MARCHF1: variants seen among roughly 807,000 people sequenced by gnomAD.
The protein encoded by MARCHF1 is E3 ubiquitin-protein ligase MARCHF1.
In MARCHF1, 40 loss-of-function variants were observed where a neutral mutation model predicts 54.2. That is an observed-to-expected ratio of 0.74 (90% CI 0.57 to 0.96). The LOEUF is 0.96. MARCHF1 is among the 40% of genes least tolerant of loss of function. The pLI is 0.00. For missense variants in MARCHF1, 586 were observed against 656.5 expected (o/e 0.89, Z 1.17); for synonymous variants, 236 against 236.3 (o/e 1.00, Z 0.01).
At chr4:163,751,945 G>A (rs1357239496) in intron 4 of MARCHF1, among the ~76,000 whole-genome samples, 4 of 150,334 alleles carry the variant, frequency 2.7e-5, no homozygotes, top group African/African-American at 4.8e-5. Flanking sequence ...ACTGGATAGC[G>A]ATAACTCTCT....
chr4:163,733,413 G>GA (rs201394705), intron 4 of MARCHF1, among the ~76,000 whole-genome samples: 178 of 133,548 alleles, frequency 1.3e-3, no homozygotes, highest in East Asian at 5.2e-3. Flanking sequence ...ATTTTTAAGG[G>GA]AAAAAAAAAA....
intron 1 of MARCHF1, among the ~76,000 whole-genome samples, chr4:164,257,048 A>T (rs373605610): frequency 1.2e-4 from 18 of 152,196 alleles, no homozygotes; most frequent in East Asian, 7.7e-4. Flanking sequence ...TTCCATAAGC[A>T]TGGAATTTAT....
intron 1 of MARCHF1, chr4:164,188,690 G>A (rs1335403512): frequency 4.4e-5 from 48 of 1,092,318 alleles, no homozygotes; most frequent in Middle Eastern, 2.0e-4. Context: ...CACGTGGAAC[G>A]ACCTGTCTAT....
chr4:164,160,752 A>C (rs1730210761), intron 1 of MARCHF1, among the ~76,000 whole-genome samples: 2 of 152,150 alleles, frequency 1.3e-5, no homozygotes, highest in African/African-American at 4.8e-5. Flanking sequence ...GTACACTTTC[A>C]TCACAACTCA....
chr4:164,296,800 C>T (rs762521640), intron 1 of MARCHF1, among the ~76,000 whole-genome samples: 1 of 152,148 alleles, frequency 6.6e-6, no homozygotes, highest in Non-Finnish European at 1.5e-5. Flanking sequence ...TTTCAGGTTA[C>T]TTATGTTCAT....
intron 1 of MARCHF1, among the ~76,000 whole-genome samples, chr4:164,370,106 G>T (rs1353965071): frequency 1.3e-5 from 2 of 152,148 alleles, no homozygotes; most frequent in African/African-American, 4.8e-5. Context: ...CAAATATATG[G>T]ACAGGAAAGC....
chr4:163,805,113 A>G (rs574481734), intron 4 of MARCHF1, among the ~76,000 whole-genome samples: 1 of 152,262 alleles, frequency 6.6e-6, no homozygotes, highest in Non-Finnish European at 1.5e-5. Context: ...ATGTTTTAAG[A>G]GTCAAGTGTT....
At chr4:164,305,997 A>C (rs1453456029) in intron 1 of MARCHF1, among the ~76,000 whole-genome samples, 2 of 152,168 alleles carry the variant, frequency 1.3e-5, no homozygotes, top group East Asian at 3.8e-4. Flanking sequence ...TTGAACTTTT[A>C]AGATGTTGTC....
chr4:163,662,048 T>A (rs544925385), intron 5 of MARCHF1, among the ~76,000 whole-genome samples: 11 of 152,126 alleles, frequency 7.2e-5, no homozygotes, highest in Non-Finnish European at 1.0e-4. Flanking sequence ...ATCCTGATTC[T>A]TGATTCTTGG....
intron 3 of MARCHF1, among the ~76,000 whole-genome samples, chr4:163,863,473 G>A (rs1749984962): frequency 6.6e-6 from 1 of 152,058 alleles, no homozygotes; most frequent in Admixed American, 6.6e-5. Context: ...GTTTTTAATT[G>A]TTGGAGTGCG....
At chr4:163,851,149 T>C (rs1749631780) in intron 4 of MARCHF1, among the ~76,000 whole-genome samples, 1 of 151,962 alleles carries the variant, frequency 6.6e-6, no homozygotes, top group Non-Finnish European at 1.5e-5. Flanking sequence ...AAAAAAAAAT[T>C]AAGGTAATAT....
intron 1 of MARCHF1, among the ~76,000 whole-genome samples, chr4:164,268,568 T>C (rs1442932143): frequency 6.6e-6 from 1 of 152,156 alleles, no homozygotes; most frequent in East Asian, 1.9e-4. Context: ...ATCTCTGATA[T>C]AAAACAGACC....
At chr4:164,112,685 C>A (rs1217372884) in intron 1 of MARCHF1, among the ~76,000 whole-genome samples, 8 of 151,894 alleles carry the variant, frequency 5.3e-5, no homozygotes, top group Non-Finnish European at 1.0e-4. Context: ...ACACTGGGAA[C>A]ACATTGTAAC....
At chr4:163,716,634 T>C (rs1327755329) in intron 4 of MARCHF1, among the ~76,000 whole-genome samples, 2 of 152,166 alleles carry the variant, frequency 1.3e-5, no homozygotes, top group Non-Finnish European at 2.9e-5. Flanking sequence ...ATTTGCACTA[T>C]AGTAGCTCCA....
chr4:163,755,510 AT>A (rs1224838446), intron 4 of MARCHF1, among the ~76,000 whole-genome samples: 2 of 152,146 alleles, frequency 1.3e-5, no homozygotes, highest in Non-Finnish European at 2.9e-5. Flanking sequence ...TGTAAATTTA[AT>A]TTCAAACTTA....
At chr4:163,986,328 G>C (rs373253592) in intron 3 of MARCHF1, among the ~76,000 whole-genome samples, 224 of 129,090 alleles carry the variant, frequency 1.7e-3, no homozygotes, top group Middle Eastern at 0.016. Context: ...GCAGTGGCGC[G>C]ATCTCGGCTC....
intron 1 of MARCHF1, among the ~76,000 whole-genome samples, chr4:164,201,635 G>C (rs1221677337): frequency 6.6e-6 from 1 of 152,168 alleles, no homozygotes; most frequent in East Asian, 1.9e-4. Flanking sequence ...ACAGACTGAA[G>C]ATGACTTGTT....
chr4:164,013,249 G>A (rs1294479018), intron 2 of MARCHF1, among the ~76,000 whole-genome samples: 1 of 152,054 alleles, frequency 6.6e-6, no homozygotes, highest in Non-Finnish European at 1.5e-5. Flanking sequence ...AAATACAATT[G>A]AGAAACATAA....
chr4:163,567,037 A>C (rs906096232), intron 8 of MARCHF1, among the ~76,000 whole-genome samples: 64 of 152,144 alleles, frequency 4.2e-4, no homozygotes, highest in African/African-American at 1.4e-3. Context: ...AGAAAATAGA[A>C]CCCATCTTGA....
Sources: gnomAD v4.1 joint callset for allele counts (sites outside exome capture counted in the v4.1 genomes callset) on GRCh38, gnomAD v4.1.1 for gene constraint, MANE v1.5 for transcripts, NCBI Gene and HGNC (gene_info 2026-07-23, HGNC 2026-07-21) for gene names.